Variants in MYO16 observed in about 807,000 individuals in gnomAD.
MYO16 encodes the protein myosin XVI, also known as unconventional myosin-XVI.
MYO16 carries 94 observed loss-of-function variants against 205.3 expected under a neutral mutation model. That is an observed-to-expected ratio of 0.46 (90% CI 0.39 to 0.54). MYO16 has a LOEUF of 0.54. Ranked by LOEUF, MYO16 falls within the 20% of genes least tolerant of loss-of-function variation. The pLI, the probability that MYO16 is intolerant of heterozygous loss-of-function variation, is 0.00. For missense variants in MYO16, 2,315 were observed against 2,387.5 expected (o/e 0.97, Z 0.63); for synonymous variants, 988 against 954.0 (o/e 1.04, Z -0.66).
chr13:108,534,595 C>A, the MYO16 span, among the ~76,000 whole-genome samples: 1 of 151,800 alleles, frequency 6.6e-6, no homozygotes, highest in African/African-American at 2.4e-5. Context: ...GTGGGAAACA[C>A]GGAGTCTCTA....
chr13:108,738,502 C>G (rs555097285), intron 4 of MYO16, among the ~76,000 whole-genome samples: 4 of 152,172 alleles, frequency 2.6e-5, no homozygotes, highest in South Asian at 2.1e-4. Context: ...GTCTGAGAGA[C>G]AGTTTGTTAC....
the MYO16 span, among the ~76,000 whole-genome samples, chr13:108,573,421 G>A: frequency 6.6e-6 from 1 of 152,156 alleles, no homozygotes; most frequent in Non-Finnish European, 1.5e-5. Flanking sequence ...AAGCTCAAAT[G>A]TCTGTATATT....
chr13:109,140,497 G>A lies in MYO16; in HGVS notation c.4285G>A (p.Asp1429Asn), dbSNP rs777600307. The A allele has an allele frequency of 3.2e-6, 5 of 1,547,234 alleles. No individual in the cohort carries two copies. The highest frequency in any genetic ancestry group is 4.3e-6 in the Non-Finnish European group (5 of 1,155,344). The change falls in exon 32 of 35, where the codon GAC (aspartate) becomes AAC (asparagine). Residue 1429 changes from aspartate (D) to asparagine (N), a missense_variant. By Grantham distance (23) the Asp-to-Asn change is conservative (BLOSUM62 1). Around this residue, in one of 3 missense-constraint regions of MYO16, gnomAD observed 1,097 missense variants for 1,092.0 expected, o/e 1.00. Transcript: ENST00000457511. This position sits in a 1 kb window ranked among gnomAD's most constrained non-coding sequence, Gnocchi z 8.0. ...GGCGGCGCCTCCGGGTGACGAGGACGACAGCGAGCCTGTGTACATCGAGAT... is the reference window on the plus strand; with the variant it reads ...GGCGGCGCCTCCGGGTGACGAGGACAACAGCGAGCCTGTGTACATCGAGAT... ...PPAAPPGDED[D>N]SEPVYIEMLG...
intron 20 of MYO16, among the ~76,000 whole-genome samples, chr13:108,988,032 A>G (rs191960001): frequency 6.6e-6 from 1 of 152,250 alleles, no homozygotes; most frequent in Admixed American, 6.5e-5. Flanking sequence ...GTTAACTATC[A>G]AGAAAGCTCT....
At chr13:108,892,686 A>G (rs1325913636) in intron 14 of MYO16, among the ~76,000 whole-genome samples, 1 of 152,218 alleles carries the variant, frequency 6.6e-6, no homozygotes, top group Non-Finnish European at 1.5e-5. Context: ...CCTCAAGTTA[A>G]CTAACGGAAA....
chr13:108,638,284 G>T (rs761329165), intron 1 of MYO16, among the ~76,000 whole-genome samples: 20 of 152,230 alleles, frequency 1.3e-4, no homozygotes, highest in Middle Eastern at 3.4e-3. Context: ...CAAAAGTTAG[G>T]TTTTTTGTTT....
intron 20 of MYO16, among the ~76,000 whole-genome samples, chr13:108,989,412 G>A (rs1023488198): frequency 3.3e-5 from 5 of 152,062 alleles, no homozygotes; most frequent in African/African-American, 1.2e-4. Context: ...AGTAAACAAA[G>A]CAATATCTCC....
intron 28 of MYO16, among the ~76,000 whole-genome samples, chr13:109,106,322 A>G (rs1179667380): frequency 2.6e-5 from 4 of 152,196 alleles, no homozygotes; most frequent in African/African-American, 4.8e-5. Flanking sequence ...TTATCTGAAC[A>G]TATGCATTTT....
chr13:109,061,464 A>G (rs9301337), intron 27 of MYO16, among the ~76,000 whole-genome samples: 52,885 of 151,954 alleles, frequency 0.35, 9,223 homozygotes, highest in East Asian at 0.42. Flanking sequence ...CTTCGTGACC[A>G]TTGCAAGTTT....
intron 2 of MYO16, among the ~76,000 whole-genome samples, chr13:108,690,859 G>C (rs759368141): frequency 6.6e-6 from 1 of 152,238 alleles, no homozygotes; most frequent in Admixed American, 6.5e-5. Flanking sequence ...CATTCCAAAA[G>C]GTATGAAATT....
intron 3 of MYO16, among the ~76,000 whole-genome samples, chr13:108,716,155 G>A (rs185039969): frequency 6.6e-6 from 1 of 152,326 alleles, no homozygotes; most frequent in Admixed American, 6.5e-5. Context: ...GTGATGCATA[G>A]TGAATTTTCA....
intron 4 of MYO16, among the ~76,000 whole-genome samples, chr13:108,738,772 A>C (rs1436398898): frequency 6.6e-6 from 1 of 152,188 alleles, no homozygotes; most frequent in Non-Finnish European, 1.5e-5. Context: ...GTGCAAGTCT[A>C]AGTCTCTTTA....
chr13:108,626,406 T>C (rs2139344367), upstream of MYO16, among the ~76,000 whole-genome samples: 1 of 152,302 alleles, frequency 6.6e-6, no homozygotes, highest in East Asian at 1.9e-4. Flanking sequence ...TGGATTTAAT[T>C]TTGTACTTAA....
chr13:109,084,888 G>A (rs1594071438), intron 27 of MYO16, among the ~76,000 whole-genome samples: 1 of 152,240 alleles, frequency 6.6e-6, no homozygotes, highest in South Asian at 2.1e-4. Flanking sequence ...CATTTGGAGT[G>A]ATAAAGTAGA....
intron 4 of MYO16, among the ~76,000 whole-genome samples, chr13:108,738,046 A>G (rs1350705633): frequency 6.6e-6 from 1 of 152,026 alleles, no homozygotes; most frequent in East Asian, 1.9e-4. Flanking sequence ...TAGTCTTGCT[A>G]GTGGTCTATC....
intron 33 of MYO16, among the ~76,000 whole-genome samples, chr13:109,174,521 A>G (rs547934756): frequency 6.6e-6 from 1 of 152,274 alleles, no homozygotes; most frequent in East Asian, 1.9e-4. Context: ...GAGATAGAAG[A>G]CAGATGTCCA....
chr13:108,869,080 A>G (rs144567908), intron 12 of MYO16, among the ~76,000 whole-genome samples: 1 of 152,158 alleles, frequency 6.6e-6, no homozygotes, highest in East Asian at 1.9e-4. Context: ...TTGGTCTTCA[A>G]ATTTGCCCTA....
chr13:108,739,063 C>T (rs934689130), intron 4 of MYO16, among the ~76,000 whole-genome samples: 6 of 152,204 alleles, frequency 3.9e-5, no homozygotes, highest in Non-Finnish European at 8.8e-5. Context: ...CTGTATACAG[C>T]ACACTGATGG....
At chr13:108,877,515 T>G (rs765892630) in intron 12 of MYO16, among the ~76,000 whole-genome samples, 1 of 152,246 alleles carries the variant, frequency 6.6e-6, no homozygotes, top group Non-Finnish European at 1.5e-5. Flanking sequence ...GACAGCACCA[T>G]GCACAGAGTG....
Sources: allele counts gnomAD v4.1 joint callset (sites outside exome capture counted in the v4.1 genomes callset), GRCh38; gene constraint gnomAD v4.1.1; regional missense constraint gnomAD v4.1.1; non-coding constraint Gnocchi (gnomAD v3.1); transcripts MANE v1.5; gene names NCBI Gene and HGNC (gene_info 2026-07-23, HGNC 2026-07-21).